The following PLEKHA3 variants were observed in gnomAD, a reference collection of about 807,000 sequenced individuals.
PLEKHA3 encodes pleckstrin homology domain containing A3.
Under a neutral mutation model 39.2 loss-of-function variants are expected in PLEKHA3, and 19 were observed. That is an observed-to-expected ratio of 0.48 (90% confidence interval 0.34 to 0.71). The LOEUF is 0.71. PLEKHA3 is among the 30% of genes least tolerant of loss of function. PLEKHA3 has a pLI of 0.01. For synonymous variants in PLEKHA3, 97 were observed against 118.6 expected, an observed-to-expected ratio of 0.82 and a Z score of 1.18; for missense variants, 253 against 359.5, an observed-to-expected ratio of 0.70 and a Z score of 2.40.
In PLEKHA3 at chr2:178,480,924, G is replaced by A; in HGVS notation, c.40+15G>A. ...CTATCTCACAGGTATGGGGGCTCGT[G>A]TGATGAGGGAAGAGGGGAGAGGCGG... On this transcript the variant is annotated intron_variant, in intron 1 of 7. Transcript: ENST00000234453. 1 of 1,312,112 alleles carries A rather than the reference G, an allele frequency of 7.6e-7. No homozygotes were observed. The highest frequency in any genetic ancestry group is 9.8e-7 in the Non-Finnish European group (1 of 1,020,932). The allele number at this position is 1,312,112 out of a possible 1,614,324, so 81.3% of individuals were successfully genotyped here.
At position 178,516,436 on chromosome 2, in the gene PLEKHA3, A is replaced by G. The variant is rs1379717664; in HGVS notation, c.*12549A>G. ...GTCGAAAATATTGTAGTAATTTTAT[A>G]AATTCAATAAAACCTGAGTGATGTG... On this transcript the variant is annotated 3_prime_UTR_variant, in exon 8 of 8. Transcript: ENST00000234453. 6.6e-6 allele frequency: 1 copy of G among 152,186 alleles called. No individual in the cohort carries two copies. Among genetic ancestry groups the G allele is most frequent in the African/African-American group, 2.4e-5 (1 of 41,456 alleles). The allele number at this position is 152,186 out of a possible 1,614,324, so 9.4% of individuals were successfully genotyped here. A position where few individuals can be genotyped will look rare whatever the true frequency, so the allele number is the denominator to read the frequency against.
chr2:178,503,707 G>A (rs1685565290), intron 7 of PLEKHA3, 53 bp from the exon 8 acceptor site: 1 of 1,580,104 alleles, frequency 6.3e-7, no homozygotes, highest in Non-Finnish European at 8.7e-7. Context: ...TTTCACAGAG[G>A]ACTGGAGTTA....
At chr2:178,483,898 A>T (rs1041890127) in intron 1 of PLEKHA3, among the ~76,000 whole-genome samples, 1 of 152,090 alleles carries the variant, frequency 6.6e-6, no homozygotes, top group Non-Finnish European at 1.5e-5. Flanking sequence ...GGGCAACATG[A>T]TGAGACTTCG....
chr2:178,507,495 G>A lies in PLEKHA3; in HGVS notation c.*3608G>A, dbSNP rs563213574. The stretch of plus-strand genomic sequence containing the variant: ...AAATGCTGAAAAACATCAGATAATC[G>A]TATCAATTCTCTTAAAAAAGTTTTT... On this transcript the variant is annotated 3_prime_UTR_variant, in exon 8 of 8. Transcript: ENST00000234453. 5.9e-5 allele frequency: 9 copies of A among 151,960 alleles called. No homozygotes were observed. In the East Asian group the frequency reaches 1.5e-3, roughly 26 times the overall value. The allele number at this position is 151,960 out of a possible 1,614,324, so 9.4% of individuals were successfully genotyped here.
chr2:178,499,092 C>T, intron 5 of PLEKHA3, 119 bp from the exon 6 acceptor site: 1 of 933,074 alleles, frequency 1.1e-6, no homozygotes, highest in Non-Finnish European at 1.5e-6. Flanking sequence ...TTTTTTTTGC[C>T]AGTTATCTTT....
chr2:178,496,379 G>A (rs2154127863), intron 5 of PLEKHA3, among the ~76,000 whole-genome samples: 1 of 152,306 alleles, frequency 6.6e-6, no homozygotes, highest in African/African-American at 2.4e-5. Flanking sequence ...TTGCATCAAA[G>A]TGTTTTTAGG....
Position 178,499,237 on chromosome 2 carries a change from T to C in PLEKHA3, c.642T>C (p.Gly214=), listed in dbSNP as rs776071276. Reference sequence around the variant, plus strand: ...TGAAGCGTTCTGTCAGCCACCCTGGTTCTTGCAGTTCAGAGAGGTAAAAGA... The same window carrying C: ...TGAAGCGTTCTGTCAGCCACCCTGGCTCTTGCAGTTCAGAGAGGTAAAAGA... ...QMMKRSVSHP[G]SCSSERSSHS... is the part of the protein sequence containing the mutation. The change falls in exon 6 of 8, where the codon GGT becomes GGC. Residue 214 remains glycine (G), a synonymous_variant. Transcript: ENST00000234453. 6.2e-7 allele frequency: 1 copy of C among 1,612,418 alleles called. No homozygotes were observed. The highest frequency in any genetic ancestry group is 1.1e-5 in the South Asian group (1 of 90,498).
In PLEKHA3 at chr2:178,485,624, A is replaced by T. The variant is rs556380161; in HGVS notation, c.41-17A>T. 1.3e-6 allele frequency: 2 copies of T among 1,531,034 alleles called. No homozygotes were observed. The highest frequency in any genetic ancestry group is 2.3e-5 in the East Asian group (1 of 44,420). 94.8% of individuals were successfully genotyped at this position (1,531,034 alleles called of 1,614,324 possible). A position where few individuals can be genotyped will look rare whatever the true frequency, so the allele number is the denominator to read the frequency against. On this transcript the variant is annotated splice_polypyrimidine_tract_variant and intron_variant, in intron 1 of 7. Coordinates refer to ENST00000234453, the MANE Select transcript of PLEKHA3 (RefSeq NM_019091.4). ...ATGTGTTTCCAATTGACCTTTTGTT[A>T]TTTATGGTCTTTTTAGGCTGGCAGC...
rs1685595871 is a variant in PLEKHA3 at position 178,505,920 on chromosome 2, C to T, written c.*2033C>T. The T allele has an allele frequency of 1.3e-5, 2 of 151,882 alleles. No homozygotes were observed. The highest frequency in any genetic ancestry group is 6.6e-5 in the Admixed American group (1 of 15,210). The allele number at this position is 151,882 out of a possible 1,614,324, so 9.4% of individuals were successfully genotyped here. ...CACTTTTTGTTGTTATTGTTAGGAA[C>T]CAAACACATCTGTGAAATCATTTTT... On this transcript the variant is annotated 3_prime_UTR_variant, in exon 8 of 8. Transcript: ENST00000234453.
At chr2:178,491,922 C>G (rs1685353647) in intron 3 of PLEKHA3, among the ~76,000 whole-genome samples, 1 of 152,108 alleles carries the variant, frequency 6.6e-6, no homozygotes, top group South Asian at 2.1e-4. Context: ...TTTATAACAA[C>G]CCGCTCTCAT....
chr2:178,511,329 C>T lies in PLEKHA3; in HGVS notation c.*7442C>T, dbSNP rs1042140888. The T allele has an allele frequency of 6.6e-6, 1 of 151,080 alleles. No individual in the cohort carries two copies. Among genetic ancestry groups the T allele is most frequent in the African/African-American group, 2.4e-5 (1 of 41,098 alleles). 9.4% of individuals were successfully genotyped at this position (151,080 alleles called of 1,614,324 possible). Reference sequence around the variant, plus strand: ...ACTGTTATTGTCTTTATTGGGTCCCCTTATTATCTGCTTTGATATCCATCT... The same window carrying T: ...ACTGTTATTGTCTTTATTGGGTCCCTTTATTATCTGCTTTGATATCCATCT... On this transcript the variant is annotated 3_prime_UTR_variant, in exon 8 of 8. Transcript: ENST00000234453.
Position 178,505,556 on chromosome 2 carries a change from G to GTTTTTTTTT in PLEKHA3, c.*1677_*1685dup, listed in dbSNP as rs779794889. Reference sequence around the variant, plus strand: ...TTGAGCAGGTAATCAGGTTTTTCTTGTTTTTTTTTTTTTTTTAAATTTTGT... The same window carrying GTTTTTTTTT: ...TTGAGCAGGTAATCAGGTTTTTCTTGTTTTTTTTTTTTTTTTTTTTTTTTTAAATTTTGT... On this transcript the variant is annotated 3_prime_UTR_variant, in exon 8 of 8. Transcript: ENST00000234453. 1.5e-5 allele frequency: 2 copies of GTTTTTTTTT among 130,976 alleles called. No individual in the cohort carries two copies. The highest frequency in any genetic ancestry group is 1.7e-5 in the Non-Finnish European group (1 of 59,576). The allele number at this position is 130,976 out of a possible 1,614,324, so 8.1% of individuals were successfully genotyped here. A position where few individuals can be genotyped will look rare whatever the true frequency, so the allele number is the denominator to read the frequency against.
intron 1 of PLEKHA3, among the ~76,000 whole-genome samples, chr2:178,481,227 T>G (rs1310137393): frequency 6.6e-6 from 1 of 152,260 alleles, no homozygotes. Flanking sequence ...ACACTTAGTA[T>G]TCATACTTTA....
intron 4 of PLEKHA3, 21 bp downstream of exon 4, chr2:178,494,010 T>TA (rs1237938720): frequency 1.8e-5 from 29 of 1,610,202 alleles, no homozygotes; most frequent in Non-Finnish European, 2.5e-5. Context: ...GAGGATCTCT[T>TA]CACGTGTGGT....
intron 2 of PLEKHA3, among the ~76,000 whole-genome samples, chr2:178,489,817 C>G (rs374088399): frequency 6.6e-6 from 1 of 152,132 alleles, no homozygotes; most frequent in Non-Finnish European, 1.5e-5. Context: ...ATTACTTTCT[C>G]TCATAATTAC....
rs1045088944 is a variant in PLEKHA3 at position 178,508,258 on chromosome 2, G to C, written c.*4371G>C. 6.5e-6 allele frequency: 1 copy of C among 152,726 alleles called. No individual in the cohort carries two copies. Among genetic ancestry groups the C allele is most frequent in the South Asian group, 2.1e-4 (1 of 4,784 alleles). The allele number at this position is 152,726 out of a possible 1,614,324, so 9.5% of individuals were successfully genotyped here. On this transcript the variant is annotated 3_prime_UTR_variant, in exon 8 of 8. Transcript: ENST00000234453. Reference sequence around the variant, plus strand: ...TCTTTGTTCTTTTTGTTATCCTCCAGCTCTTCTGTTGAATTTTCTTTATAT... The same window carrying C: ...TCTTTGTTCTTTTTGTTATCCTCCACCTCTTCTGTTGAATTTTCTTTATAT...
intron 4 of PLEKHA3, among the ~76,000 whole-genome samples, chr2:178,494,781 G>A (rs1685413966): frequency 6.6e-6 from 1 of 152,094 alleles, no homozygotes; most frequent in African/African-American, 2.4e-5. Flanking sequence ...CAAGATGACT[G>A]TCAAGCTCAC....
At chr2:178,483,612 G>T (rs1685206230) in intron 1 of PLEKHA3, among the ~76,000 whole-genome samples, 1 of 152,106 alleles carries the variant, frequency 6.6e-6, no homozygotes, top group African/African-American at 2.4e-5. Flanking sequence ...ATCATAATTT[G>T]TCCTATAGGC....
chr2:178,491,405 A>T (rs74852352), intron 3 of PLEKHA3, among the ~76,000 whole-genome samples: 3,367 of 152,326 alleles, frequency 0.022, 64 homozygotes, highest in East Asian at 0.04. Flanking sequence ...GATCATTGAA[A>T]AAAGCAGGAT....
Sources: allele counts gnomAD v4.1 joint callset (sites outside exome capture counted in the v4.1 genomes callset), GRCh38; gene constraint gnomAD v4.1.1; transcripts MANE v1.5; gene names NCBI Gene and HGNC (gene_info 2026-07-23, HGNC 2026-07-21).